The following TG variants were observed in gnomAD, a reference collection of about 807,000 sequenced individuals.
TG encodes thyroglobulin.
A neutral mutation model predicts 324.7 loss-of-function variants in TG; 270 were observed. The ratio of observed to expected loss-of-function variants is 0.83; its 90% CI spans 0.75 to 0.92. The LOEUF is 0.92. TG is among the 40% of genes least tolerant of loss of function. TG has a pLI of 0.00. For synonymous variants in TG, 1,401 were observed against 1,327.0 expected (o/e 1.06, Z -1.21); for missense variants, 3,591 against 3,456.4 (o/e 1.04, Z -0.98).
In TG at chr8:133,124,676, C is replaced by A. The variant is rs574974572; in HGVS notation, c.7863-7136C>A. ...ATGTTAGGTAGCTAGGGTTATTTTCCTTTTAGGAAAACTGAGGCTCTGAGA... is the reference window on the plus strand; with the variant it reads ...ATGTTAGGTAGCTAGGGTTATTTTCATTTTAGGAAAACTGAGGCTCTGAGA... On this transcript the variant is annotated intron_variant, in intron 45 of 47. Transcript: ENST00000220616. Among the ~76,000 whole-genome samples the A allele has an allele frequency of 1.8e-4, 27 of 152,298 alleles. No individual in the cohort carries two copies. The South Asian group carries it at 5.6e-3, about 32-fold the overall frequency.
chr8:133,083,599 C>T (rs1160921635), intron 41 of TG, among the ~76,000 whole-genome samples: 2 of 152,104 alleles, frequency 1.3e-5, no homozygotes, highest in Non-Finnish European at 2.9e-5. Flanking sequence ...GAAATGGAGA[C>T]CCAGAGAATG....
At chr8:132,979,928 C>T (rs1414478258) in intron 34 of TG, among the ~76,000 whole-genome samples, 1 of 152,124 alleles carries the variant, frequency 6.6e-6, no homozygotes, top group Non-Finnish European at 1.5e-5. Flanking sequence ...GCACTTCTGA[C>T]CATATAAATT....
At position 132,971,846 on chromosome 8, in the gene TG, G is replaced by A. The variant is rs753571286; in HGVS notation, c.6028G>A (p.Gly2010Arg). 11 of 1,613,412 alleles carry A rather than the reference G, an allele frequency of 6.8e-6. No homozygotes were observed. Among genetic ancestry groups the A allele is most frequent in the African/African-American group, 1.3e-5 (1 of 74,864 alleles). Reference sequence around the variant, plus strand: ...TGCGGACCCATGCTGCACTGGCTTTGGATTTCTAAATGTTTCCCAGTTAAA... The same window carrying A: ...TGCGGACCCATGCTGCACTGGCTTTAGATTTCTAAATGTTTCCCAGTTAAA... ...CDADPCCTGF[G>R]FLNVSQLKGG... Residue 2010 changes from glycine (G) to arginine (R), a missense_variant, in exon 33 of 48, where the codon GGA becomes AGA. Transcript: ENST00000220616.
Position 132,906,988 on chromosome 8 carries a change from T to C in TG, c.3847+88T>C. ...AGATATGGAGGCGTGGCTGCTCCAT[T>C]TCCCCACCCAAATGTAGCACGCTGG... On this transcript the variant is annotated intron_variant, in intron 17 of 47. Coordinates refer to ENST00000220616, the MANE Select transcript of TG (RefSeq NM_003235.5). 2.2e-6 allele frequency: 3 copies of C among 1,373,616 alleles called. No individual in the cohort carries two copies. The South Asian group carries it at 3.7e-5, about 17-fold the overall frequency. The allele number at this position is 1,373,616 out of a possible 1,614,324, so 85.1% of individuals were successfully genotyped here.
At chr8:133,121,269 G>T (rs1042900094) in intron 45 of TG, among the ~76,000 whole-genome samples, 19 of 152,158 alleles carry the variant, frequency 1.2e-4, no homozygotes, top group Non-Finnish European at 2.6e-4. Flanking sequence ...AGGGAGGCCG[G>T]AGAGGTCTGA....
intron 45 of TG, among the ~76,000 whole-genome samples, chr8:133,118,479 G>A (rs933302228): frequency 2.6e-5 from 4 of 151,948 alleles, no homozygotes; most frequent in African/African-American, 9.7e-5. Context: ...CATGCGCCAT[G>A]ATTCCCAGCT....
At chr8:132,975,734 G>A (rs1830099877) in intron 34 of TG, among the ~76,000 whole-genome samples, 1 of 152,188 alleles carries the variant, frequency 6.6e-6, no homozygotes, top group Admixed American at 6.5e-5. Context: ...GGAAGTAGAG[G>A]CTCAGAGAGG....
intron 45 of TG, 139 bp from the exon 46 acceptor site, chr8:133,131,673 C>T (rs1851959862): frequency 1.6e-6 from 2 of 1,274,020 alleles, no homozygotes; most frequent in African/African-American, 3.0e-5. Context: ...TCAACTGGGC[C>T]CTAAACAGGA....
chr8:133,084,730 G>A (rs1564170022), intron 41 of TG, among the ~76,000 whole-genome samples: 1 of 152,216 alleles, frequency 6.6e-6, no homozygotes. Context: ...AGAAGTGCCC[G>A]GGAGAGACCC....
chr8:132,884,173 A>G (rs867375649), intron 8 of TG, among the ~76,000 whole-genome samples: 9 of 152,186 alleles, frequency 5.9e-5, no homozygotes, highest in African/African-American at 1.7e-4. Flanking sequence ...CCCATCTACA[A>G]TGACCTTCCT....
chr8:132,874,379 GC>G (rs1258135130), intron 5 of TG, among the ~76,000 whole-genome samples: 1 of 152,146 alleles, frequency 6.6e-6, no homozygotes, highest in African/African-American at 2.4e-5. Context: ...GACCCAAATA[GC>G]CAGAGTAGCT....
rs773657271 is a variant in TG at position 132,886,496 on chromosome 8, T to A, written c.1124T>A (p.Leu375His). Residue 375 changes from leucine to histidine, a missense_variant, in exon 9 of 48, where the codon CTC (leucine) becomes CAC (histidine). By Grantham distance (99) the Leu-to-His change is moderately conservative. Coordinates refer to ENST00000220616, the MANE Select transcript of TG (RefSeq NM_003235.5). Reference protein sequence around the residue: ...ASERQQALSRLYFGTSGYFSQ... With the variant: ...ASERQQALSRHYFGTSGYFSQ... Reference sequence around the variant, plus strand: ...GAAAGGCAGCAGGCCTTGTCCAGACTCTACTTTGGGACCTCAGGCTACTTC... The same window carrying A: ...GAAAGGCAGCAGGCCTTGTCCAGACACTACTTTGGGACCTCAGGCTACTTC... 6.2e-7 allele frequency: 1 copy of A among 1,614,188 alleles called. No individual in the cohort carries two copies. The highest frequency in any genetic ancestry group is 8.5e-7 in the Non-Finnish European group (1 of 1,180,026).
At chr8:132,923,009 A>G (rs1428323675) in intron 21 of TG, among the ~76,000 whole-genome samples, 2 of 152,132 alleles carry the variant, frequency 1.3e-5, no homozygotes, top group Non-Finnish European at 2.9e-5. Flanking sequence ...CGCAGCAAAG[A>G]CTGGGGGAGC....
intron 19 of TG, among the ~76,000 whole-genome samples, chr8:132,912,501 A>G (rs187855051): frequency 6.6e-6 from 1 of 151,826 alleles, no homozygotes; most frequent in Admixed American, 6.6e-5. Flanking sequence ...CCTAGGAACT[A>G]CTTATCATTT....
In TG at chr8:132,898,135, A is replaced by G. The variant is rs1266684136; in HGVS notation, c.3140-34A>G. ...CACTCCAGGGTAAGTCCCTAGTGCAATTCCTGAATGTTCTCCCCTTGGCTC... is the reference window on the plus strand; with the variant it reads ...CACTCCAGGGTAAGTCCCTAGTGCAGTTCCTGAATGTTCTCCCCTTGGCTC... On this transcript the variant is annotated intron_variant, in intron 12 of 47. Coordinates refer to ENST00000220616, the MANE Select transcript of TG (RefSeq NM_003235.5). The G allele has an allele frequency of 2.5e-6, 4 of 1,569,726 alleles. No homozygotes were observed. The Admixed American group carries it at 5.5e-5, about 22-fold the overall frequency.
At chr8:132,868,072 C>A (rs1839135599) in intron 1 of TG, 43 bp from the exon 2 acceptor site, 3 of 1,567,992 alleles carry the variant, frequency 1.9e-6, no homozygotes, top group East Asian at 4.5e-5. Context: ...TCCTGGCAGC[C>A]CAGTCCACAC....
Position 132,882,936 on chromosome 8 carries a change from T to C in TG, c.1012T>C (p.Cys338Arg), listed in dbSNP as rs1814862153. 6.2e-7 allele frequency: 1 copy of C among 1,613,948 alleles called. No homozygotes were observed. Among genetic ancestry groups the C allele is most frequent in the East Asian group, 2.2e-5 (1 of 44,882 alleles). ...VQCQTEGPCW[C>R]VDAQGKEMHG... ...GTGCCAGACGGAAGGGCCCTGCTGG[T>C]GTGTGGACGCCCAGGGGAAGGAAAT... The change falls in exon 8 of 48, where the codon TGT becomes CGT. Residue 338 changes from cysteine (C) to arginine (R), a missense_variant. Coordinates refer to ENST00000220616, the MANE Select transcript of TG (RefSeq NM_003235.5).
At chr8:133,003,211 G>T (rs1833707301) in intron 35 of TG, 1 of 191,674 alleles carries the variant, frequency 5.2e-6, no homozygotes, top group Non-Finnish European at 9.6e-6. Context: ...AAAAGAAAGA[G>T]AAGAAAGGAA....
At chr8:132,976,208 T>C (rs956320750) in intron 34 of TG, among the ~76,000 whole-genome samples, 1 of 152,174 alleles carries the variant, frequency 6.6e-6, no homozygotes. Context: ...GACTAGGTAA[T>C]TTATAATAAA....
Sources: gnomAD v4.1 joint callset for allele counts (sites outside exome capture counted in the v4.1 genomes callset) on GRCh38, gnomAD v4.1.1 for gene constraint, MANE v1.5 for transcripts, NCBI Gene and HGNC (gene_info 2026-07-23, HGNC 2026-07-21) for gene names.